The following WWOX variants were observed in gnomAD, a reference collection of about 807,000 sequenced individuals.
The protein encoded by WWOX is WW domain-containing oxidoreductase.
In WWOX, 69 loss-of-function variants were observed where a neutral mutation model predicts 46.2. That is an observed-to-expected ratio of 1.49 (90% CI 1.23 to 1.82). The LOEUF (loss-of-function observed/expected upper bound fraction) is 1.82, where lower values mean the gene tolerates loss of function less well. Among genes scored for constraint, WWOX ranks in the 40% most tolerant of loss-of-function variants. The probability of loss-of-function intolerance (pLI) is 0.00; values close to 1 mark genes in which losing one functional copy is unlikely to be tolerated. For synonymous variants in WWOX, 359 were observed against 202.6 expected, an observed-to-expected ratio of 1.77 and a Z score of -6.56; for missense variants, 919 against 542.6, an observed-to-expected ratio of 1.69 and a Z score of -6.89.
chr16:78,937,133 TA>T, intron 8 of WWOX, among the ~76,000 whole-genome samples: 1 of 152,224 alleles, frequency 6.6e-6, no homozygotes, highest in East Asian at 1.9e-4. Context: ...TTCCTAGATT[TA>T]AAAAAATGTT....
intron 8 of WWOX, among the ~76,000 whole-genome samples, chr16:79,012,836 T>G (rs1289415875): frequency 6.6e-6 from 1 of 152,186 alleles, no homozygotes; most frequent in South Asian, 2.1e-4. Flanking sequence ...CCCACCAACA[T>G]GGCCCGTGGC....
intron 8 of WWOX, among the ~76,000 whole-genome samples, chr16:79,207,388 T>C (rs1183773294): frequency 6.6e-6 from 1 of 152,246 alleles, no homozygotes; most frequent in African/African-American, 2.4e-5. Flanking sequence ...CCTGGGACGT[T>C]AGTCATGGGA....
At chr16:79,057,955 C>T (rs1026535534) in intron 8 of WWOX, among the ~76,000 whole-genome samples, 4 of 152,094 alleles carry the variant, frequency 2.6e-5, no homozygotes, top group East Asian at 1.9e-4. Context: ...TCATTCAAAT[C>T]GCTGTTTGCT....
intron 8 of WWOX, among the ~76,000 whole-genome samples, chr16:79,151,967 G>C (rs2050288124): frequency 6.6e-6 from 1 of 152,170 alleles, no homozygotes; most frequent in Non-Finnish European, 1.5e-5. Flanking sequence ...TCTTTAAAAG[G>C]CAACAGAAAG....
intron 8 of WWOX, among the ~76,000 whole-genome samples, chr16:78,925,316 C>T (rs928635950): frequency 6.6e-6 from 1 of 152,212 alleles, no homozygotes; most frequent in Non-Finnish European, 1.5e-5. Context: ...AACCCCTCAA[C>T]TGCCCGGATG....
intron 8 of WWOX, among the ~76,000 whole-genome samples, chr16:78,908,937 A>T (rs1487474392): frequency 6.6e-6 from 1 of 152,302 alleles, no homozygotes; most frequent in Admixed American, 6.5e-5. Context: ...TGACTCCTAA[A>T]CCCTAATTTC....
chr16:78,706,544 A>T (rs1439577615), intron 8 of WWOX, among the ~76,000 whole-genome samples: 1 of 152,202 alleles, frequency 6.6e-6, no homozygotes, highest in Non-Finnish European at 1.5e-5. Context: ...AACTACAAAG[A>T]AGCTGCAGGC....
At chr16:78,845,440 A>G (rs552021702) in intron 8 of WWOX, among the ~76,000 whole-genome samples, 2 of 152,200 alleles carry the variant, frequency 1.3e-5, no homozygotes, top group Non-Finnish European at 2.9e-5. Context: ...ACTGGAGTCA[A>G]CTGTCAAATA....
chr16:79,112,746 T>C (rs925037243), intron 8 of WWOX, among the ~76,000 whole-genome samples: 11 of 152,212 alleles, frequency 7.2e-5, no homozygotes, highest in Admixed American at 1.3e-4. Flanking sequence ...CGTAGAATTT[T>C]AGAGCTGGAA....
chr16:79,143,118 G>C (rs2050121155), intron 8 of WWOX, among the ~76,000 whole-genome samples: 1 of 152,112 alleles, frequency 6.6e-6, no homozygotes, highest in South Asian at 2.1e-4. Context: ...AAAAGTTTAA[G>C]GGACTGTTTG....
intron 8 of WWOX, among the ~76,000 whole-genome samples, chr16:78,541,638 A>C (rs2043898956): frequency 6.6e-6 from 1 of 152,096 alleles, no homozygotes; most frequent in Non-Finnish European, 1.5e-5. Context: ...ACCTGGGATC[A>C]AATCCCGCCT....
intron 8 of WWOX, chr16:79,016,120 A>T (rs2047407333): frequency 6.6e-6 from 1 of 152,166 alleles, no homozygotes; most frequent in East Asian, 1.9e-4. Context: ...TGTCTTTGTA[A>T]TCCTCTATTT....
intron 8 of WWOX, among the ~76,000 whole-genome samples, chr16:78,472,809 CAAAAAAAAAAAAAA>C (rs756666392): frequency 5.9e-5 from 3 of 50,884 alleles, no homozygotes; most frequent in African/African-American, 8.4e-5. Context: ...AACTCCATCT[CAAAAAAAAAAAAAA>C]AAAAAAAAAA....
At chr16:79,165,426 C>T (rs1301146156) in intron 8 of WWOX, among the ~76,000 whole-genome samples, 1 of 152,212 alleles carries the variant, frequency 6.6e-6, no homozygotes, top group Non-Finnish European at 1.5e-5. Context: ...TTTCCCACTG[C>T]AGCCGGTAGC....
intron 8 of WWOX, among the ~76,000 whole-genome samples, chr16:78,973,722 T>G (rs2046516720): frequency 6.6e-6 from 1 of 152,202 alleles, no homozygotes; most frequent in African/African-American, 2.4e-5. Context: ...TTGAGTAATT[T>G]GTTCCCAGAG....
At chr16:78,530,421 AAG>A (rs2043594463) in intron 8 of WWOX, among the ~76,000 whole-genome samples, 2 of 152,196 alleles carry the variant, frequency 1.3e-5, no homozygotes, top group South Asian at 4.1e-4. Flanking sequence ...ATAAGCTAAA[AAG>A]AAGACAAAGC....
intron 8 of WWOX, among the ~76,000 whole-genome samples, chr16:78,443,335 G>A (rs926651704): frequency 2.6e-5 from 4 of 151,898 alleles, no homozygotes; most frequent in African/African-American, 9.7e-5. Context: ...AAAACTATAT[G>A]TGCAAGCCTC....
intron 5 of WWOX, among the ~76,000 whole-genome samples, chr16:78,197,286 A>G (rs2036084553): frequency 6.6e-6 from 1 of 152,146 alleles, no homozygotes; most frequent in Admixed American, 6.5e-5. Flanking sequence ...TTTCCCATAT[A>G]CCACAGTTTC....
chr16:78,888,427 G>A (rs1296565499), intron 8 of WWOX, among the ~76,000 whole-genome samples: 1 of 152,174 alleles, frequency 6.6e-6, no homozygotes, highest in African/African-American at 2.4e-5. Flanking sequence ...TCTTTTTGTA[G>A]TTGTCTAGGG....
Sources: gnomAD v4.1 joint callset for allele counts (sites outside exome capture counted in the v4.1 genomes callset) on GRCh38, gnomAD v4.1.1 for gene constraint, MANE v1.5 for transcripts, NCBI Gene and HGNC (gene_info 2026-07-23, HGNC 2026-07-21) for gene names.